HECW2: variants seen among roughly 807,000 people sequenced by gnomAD.
The protein encoded by HECW2 is E3 ubiquitin-protein ligase HECW2.
A neutral mutation model predicts 175.2 loss-of-function variants in HECW2; 61 were observed. The observed-to-expected ratio is 0.35, with a 90% CI of 0.28 to 0.43. HECW2 has a LOEUF of 0.43. HECW2 is among the 20% of genes least tolerant of loss of function. The probability of loss-of-function intolerance (pLI) is 1.00; values close to 1 mark genes in which losing one functional copy is unlikely to be tolerated. For missense variants in HECW2, 1,524 were observed against 2,000.5 expected, an observed-to-expected ratio of 0.76 and a Z score of 4.54; for synonymous variants, 671 against 731.0, an observed-to-expected ratio of 0.92 and a Z score of 1.32.
intron 10 of HECW2, among the ~76,000 whole-genome samples, chr2:196,310,789 T>TGTGTGTGTGTG (rs1559030489): frequency 6.6e-6 from 1 of 151,430 alleles, no homozygotes; most frequent in African/African-American, 2.4e-5. Flanking sequence ...TGTGTGTGTG[T>TGTGTGTGTGTG]TTTGCACTGA....
chr2:196,353,339 T>C (rs1026061469), intron 2 of HECW2, among the ~76,000 whole-genome samples: 6 of 152,240 alleles, frequency 3.9e-5, no homozygotes, highest in Non-Finnish European at 7.3e-5. Flanking sequence ...TCCCAGACTA[T>C]CTTACTTTGC....
intron 16 of HECW2, among the ~76,000 whole-genome samples, chr2:196,272,626 TATAAC>T (rs1286485789): frequency 1.1e-4 from 16 of 152,194 alleles, no homozygotes; most frequent in East Asian, 3.8e-4. Context: ...TCATATTGCC[TATAAC>T]ATATCTATTT....
chr2:196,312,000 G>A (rs1330448738), intron 10 of HECW2, among the ~76,000 whole-genome samples: 2 of 152,180 alleles, frequency 1.3e-5, no homozygotes, highest in East Asian at 1.9e-4. Context: ...AGGGAACAGA[G>A]GCAGGTAGAA....
At chr2:196,496,945 G>T (rs773497392) in intron 1 of HECW2, among the ~76,000 whole-genome samples, 3 of 152,016 alleles carry the variant, frequency 2.0e-5, no homozygotes, top group Non-Finnish European at 4.4e-5. Flanking sequence ...AAAAACTAGG[G>T]GGAAAAATGA....
intron 1 of HECW2, among the ~76,000 whole-genome samples, chr2:196,462,135 A>G (rs1027310794): frequency 3.3e-5 from 5 of 152,152 alleles, no homozygotes; most frequent in African/African-American, 9.7e-5. Flanking sequence ...AATCATATTA[A>G]AGAAAGGCAA....
At chr2:196,408,919 G>C (rs549189225) in intron 2 of HECW2, among the ~76,000 whole-genome samples, 2 of 152,148 alleles carry the variant, frequency 1.3e-5, no homozygotes, top group Non-Finnish European at 2.9e-5. Flanking sequence ...CAAAAGGTTG[G>C]TCACTGATAT....
chr2:196,494,628 T>C (rs1352640842), intron 1 of HECW2, among the ~76,000 whole-genome samples: 4 of 152,194 alleles, frequency 2.6e-5, no homozygotes, highest in Non-Finnish European at 5.9e-5. Context: ...GGGTGGATAG[T>C]TGTGTTCAAG....
intron 6 of HECW2, among the ~76,000 whole-genome samples, chr2:196,323,031 A>T (rs973078223): frequency 5.9e-5 from 9 of 152,246 alleles, no homozygotes; most frequent in Non-Finnish European, 1.5e-5. Context: ...TTGAATTCCT[A>T]ATCTCATGAA....
Position 196,325,040 on chromosome 2 carries a change from G to GT in HECW2, c.680dup (p.His227GlnfsTer12), listed in dbSNP as rs1559042685. On this transcript the variant is annotated frameshift_variant, in exon 6 of 29. Coordinates refer to ENST00000644978, the MANE Select transcript of HECW2 (RefSeq NM_001348768.2). LOFTEE classifies it high-confidence loss of function. ...TGATAGTAGACCGTCTCTCCTGCCC[G>GT]TGGTGGGCACAGGTGGGGAAACTGC... is the stretch of plus-strand genomic sequence containing the variant. The GT allele has an allele frequency of 6.2e-7, 1 of 1,611,454 alleles. No individual in the cohort carries two copies. The highest frequency in any genetic ancestry group is 8.5e-7 in the Non-Finnish European group (1 of 1,178,990).
intron 1 of HECW2, among the ~76,000 whole-genome samples, chr2:196,585,684 G>T (rs1304690715): frequency 6.6e-6 from 1 of 152,094 alleles, no homozygotes; most frequent in African/African-American, 2.4e-5. Flanking sequence ...AACAAAGGAG[G>T]AGAAGGAGAA....
At chr2:196,462,046 G>A (rs1447895972) in intron 1 of HECW2, among the ~76,000 whole-genome samples, 1 of 152,004 alleles carries the variant, frequency 6.6e-6, no homozygotes, top group Non-Finnish European at 1.5e-5. Context: ...ATATATATAT[G>A]TGTGTGTGCG....
intron 2 of HECW2, among the ~76,000 whole-genome samples, chr2:196,346,722 C>T (rs1475403784): frequency 6.6e-6 from 1 of 152,030 alleles, no homozygotes; most frequent in African/African-American, 2.4e-5. Context: ...CATTTCCAGC[C>T]GGGCACAGTG....
intron 27 of HECW2, among the ~76,000 whole-genome samples, chr2:196,216,654 A>T (rs1687486089): frequency 6.6e-6 from 1 of 152,158 alleles, no homozygotes; most frequent in African/African-American, 2.4e-5. Flanking sequence ...CTTTTTAAAG[A>T]ACTTAAAATC....
chr2:196,444,903 T>A (rs369671313), intron 1 of HECW2, among the ~76,000 whole-genome samples: 6 of 152,286 alleles, frequency 3.9e-5, no homozygotes, highest in African/African-American at 1.4e-4. Flanking sequence ...ATTCCCTGAA[T>A]AAACCAAAAG....
At chr2:196,485,986 A>G (rs965758437) in intron 1 of HECW2, among the ~76,000 whole-genome samples, 1 of 152,174 alleles carries the variant, frequency 6.6e-6, no homozygotes, top group African/African-American at 2.4e-5. Flanking sequence ...TGCATCATAC[A>G]TACCACACTA....
chr2:196,465,307 C>T (rs1180514606), intron 1 of HECW2, among the ~76,000 whole-genome samples: 1 of 152,090 alleles, frequency 6.6e-6, no homozygotes, highest in Non-Finnish European at 1.5e-5. Flanking sequence ...AATCTAGTCT[C>T]CTTCCAGATT....
At chr2:196,423,184 A>G (rs1224602718) in intron 2 of HECW2, among the ~76,000 whole-genome samples, 1 of 152,140 alleles carries the variant, frequency 6.6e-6, no homozygotes, top group Admixed American at 6.6e-5. Context: ...AATAATTACC[A>G]AAATATTAAT....
chr2:196,394,251 G>A lies in HECW2; in HGVS notation c.292+38881C>T, dbSNP rs185199780. Among the ~76,000 whole-genome samples, 91 of 152,212 alleles carry A rather than the reference G, an allele frequency of 6.0e-4. 1 individual carries two copies. The East Asian group carries it at 0.015, about 26-fold the overall frequency. On this transcript the variant is annotated intron_variant, in intron 2 of 28. Coordinates refer to ENST00000644978, the MANE Select transcript of HECW2 (RefSeq NM_001348768.2). ...ACCAACATGGCACATGTATGCATAC[G>A]TAACAAATGTGCACGTTGTGCACAT...
At chr2:196,412,913 T>C (rs1339851222) in intron 2 of HECW2, among the ~76,000 whole-genome samples, 2 of 152,238 alleles carry the variant, frequency 1.3e-5, no homozygotes, top group Admixed American at 1.3e-4. Context: ...TAGGAAATTA[T>C]TAGACAACTT....
Sources: gnomAD v4.1 joint callset for allele counts (sites outside exome capture counted in the v4.1 genomes callset) on GRCh38, gnomAD v4.1.1 for gene constraint, MANE v1.5 for transcripts, NCBI Gene and HGNC (gene_info 2026-07-23, HGNC 2026-07-21) for gene names.